Variants in PAK1 observed in about 807,000 individuals in gnomAD.
The protein encoded by PAK1 is p21 (RAC1) activated kinase 1.
Under a neutral mutation model 67.4 loss-of-function variants are expected in PAK1, and 29 were observed. That is an observed-to-expected ratio of 0.43 (90% CI 0.32 to 0.59). The LOEUF is 0.59. Among genes scored for constraint, PAK1 ranks in the 20% least tolerant of loss-of-function variants. The pLI is 0.07. For synonymous variants in PAK1, 223 were observed against 237.4 expected, an observed-to-expected ratio of 0.94 and a Z score of 0.56; for missense variants, 337 against 670.7, an observed-to-expected ratio of 0.50 and a Z score of 5.50.
intron 1 of PAK1, among the ~76,000 whole-genome samples, chr11:77,393,241 G>A (rs1951370785): frequency 6.6e-6 from 1 of 150,398 alleles, no homozygotes; most frequent in Admixed American, 6.7e-5. Context: ...AATCTCTCCA[G>A]TGTTTCCCTC....
At chr11:77,380,118 T>C (rs1185155211) in intron 2 of PAK1, 124 bp from the exon 3 acceptor site, 1 of 647,376 alleles carries the variant, frequency 1.5e-6, no homozygotes, top group South Asian at 1.9e-5. Flanking sequence ...ATATTTCACA[T>C]ATGTAGAAGA....
intron 5 of PAK1, among the ~76,000 whole-genome samples, chr11:77,366,803 G>A (rs1166997953): frequency 1.3e-5 from 2 of 152,134 alleles, no homozygotes; most frequent in Non-Finnish European, 2.9e-5. Flanking sequence ...TCCTCAAAAG[G>A]TTAAACATAA....
At chr11:77,436,270 G>A (rs1004903201) in intron 1 of PAK1, among the ~76,000 whole-genome samples, 1 of 152,132 alleles carries the variant, frequency 6.6e-6, no homozygotes, top group African/African-American at 2.4e-5. Flanking sequence ...ATGGGAAGGA[G>A]AAAAGAACAG....
chr11:77,379,175 T>C (rs1949498446), intron 4 of PAK1, 66 bp downstream of exon 4: 3 of 1,317,266 alleles, frequency 2.3e-6, no homozygotes, highest in Admixed American at 2.2e-5. Flanking sequence ...CTAATAGGCA[T>C]GTGAGCTTTC....
the PAK1 span, among the ~76,000 whole-genome samples, chr11:77,498,635 T>C: frequency 4.0e-5 from 6 of 151,788 alleles, no homozygotes; most frequent in Non-Finnish European, 8.8e-5. Flanking sequence ...ACATGGTACA[T>C]ATTTGTTAAA....
intron 1 of PAK1, among the ~76,000 whole-genome samples, chr11:77,409,178 A>G (rs1230725368): frequency 6.6e-6 from 1 of 152,156 alleles, no homozygotes; most frequent in East Asian, 1.9e-4. Context: ...AGGTTGAGGT[A>G]GGAGACTGCT....
the PAK1 span, among the ~76,000 whole-genome samples, chr11:77,496,863 G>A: frequency 5.3e-5 from 8 of 152,288 alleles, no homozygotes; most frequent in African/African-American, 1.9e-4. Flanking sequence ...AACCTGGGAG[G>A]TGGAGTTTGC....
At chr11:77,490,102 C>G in the PAK1 span, among the ~76,000 whole-genome samples, 2 of 151,508 alleles carry the variant, frequency 1.3e-5, no homozygotes, top group Admixed American at 1.3e-4. Flanking sequence ...TGCCCGGCCG[C>G]GACCCCATCT....
intron 11 of PAK1, among the ~76,000 whole-genome samples, chr11:77,337,813 C>G (rs1478732847): frequency 6.6e-6 from 1 of 152,082 alleles, no homozygotes; most frequent in Admixed American, 6.5e-5. Flanking sequence ...TTTGAGGAAG[C>G]AGACATATGG....
chr11:77,413,899 A>G (rs1954805712), intron 1 of PAK1, among the ~76,000 whole-genome samples: 1 of 152,144 alleles, frequency 6.6e-6, no homozygotes, highest in Non-Finnish European at 1.5e-5. Flanking sequence ...TCTGCCTTAG[A>G]CACAGCTTTT....
chr11:77,424,071 G>A (rs767846340), intron 1 of PAK1, among the ~76,000 whole-genome samples: 3 of 152,214 alleles, frequency 2.0e-5, no homozygotes, highest in Non-Finnish European at 4.4e-5. Flanking sequence ...TTACACTGCA[G>A]AACTAGTCCA....
chr11:77,407,595 C>G (rs553948089), intron 1 of PAK1, among the ~76,000 whole-genome samples: 3 of 152,164 alleles, frequency 2.0e-5, no homozygotes, highest in African/African-American at 7.2e-5. Flanking sequence ...AGCATTTTCA[C>G]GCATTCATTA....
intron 4 of PAK1, among the ~76,000 whole-genome samples, chr11:77,378,402 T>C (rs1379051435): frequency 6.6e-6 from 1 of 152,174 alleles, no homozygotes; most frequent in African/African-American, 2.4e-5. Context: ...CTAAAGAAAC[T>C]TATTCTTTAT....
chr11:77,501,467 G>T, the PAK1 span, among the ~76,000 whole-genome samples: 1 of 152,044 alleles, frequency 6.6e-6, no homozygotes, highest in African/African-American at 2.4e-5. Flanking sequence ...CCTCTTCTCG[G>T]GTAATAAGCA....
At chr11:77,430,042 A>G (rs748592721) in intron 1 of PAK1, among the ~76,000 whole-genome samples, 3 of 152,210 alleles carry the variant, frequency 2.0e-5, no homozygotes, top group Non-Finnish European at 4.4e-5. Context: ...AGTAGAGAAG[A>G]AAGATATTTT....
intron 1 of PAK1, chr11:77,455,797 T>C (rs1957054781): frequency 6.6e-6 from 1 of 152,302 alleles, no homozygotes; most frequent in South Asian, 2.1e-4. Flanking sequence ...CAGTGTGGAA[T>C]GTCCTCCCTC....
chr11:77,485,876 A>G, the PAK1 span, among the ~76,000 whole-genome samples: 1 of 152,254 alleles, frequency 6.6e-6, no homozygotes, highest in Non-Finnish European at 1.5e-5. Flanking sequence ...GTTCTCGAAC[A>G]TCGGTAGTTC....
chr11:77,347,220 C>G, intron 9 of PAK1: 1 of 394,426 alleles, frequency 2.5e-6, no homozygotes. Flanking sequence ...TCTCACACAG[C>G]CAGCCTCCAG....
At chr11:77,467,037 C>T (rs1957629807) in intron 1 of PAK1, among the ~76,000 whole-genome samples, 1 of 152,184 alleles carries the variant, frequency 6.6e-6, no homozygotes, top group Non-Finnish European at 1.5e-5. Flanking sequence ...CTCACGCCTC[C>T]CCACTTTACA....
Sources: gnomAD v4.1 joint callset for allele counts (sites outside exome capture counted in the v4.1 genomes callset) on GRCh38, gnomAD v4.1.1 for gene constraint, MANE v1.5 for transcripts, NCBI Gene and HGNC (gene_info 2026-07-23, HGNC 2026-07-21) for gene names.